PLXDC2: variants seen among roughly 807,000 people sequenced by gnomAD.
PLXDC2 encodes plexin domain containing 2.
PLXDC2 carries 40 observed loss-of-function variants against 68.9 expected under a neutral mutation model. The observed-to-expected ratio is 0.58, with a 90% CI of 0.45 to 0.76. The LOEUF (loss-of-function observed/expected upper bound fraction) is 0.76. Ranked by LOEUF, PLXDC2 falls within the 30% of genes least tolerant of loss-of-function variation. The probability of loss-of-function intolerance (pLI) is 0.00; values close to 1 mark genes in which losing one functional copy is unlikely to be tolerated. For synonymous variants in PLXDC2, 243 were observed against 234.2 expected, an observed-to-expected ratio of 1.04 and a Z score of -0.34; for missense variants, 644 against 661.9, an observed-to-expected ratio of 0.97 and a Z score of 0.30.
At chr10:19,956,692 A>T (rs1210266336) in intron 1 of PLXDC2, among the ~76,000 whole-genome samples, 1 of 152,238 alleles carries the variant, frequency 6.6e-6, no homozygotes, top group Non-Finnish European at 1.5e-5. Flanking sequence ...CACAGACTGT[A>T]TCTGTCTCAC....
At chr10:20,017,810 T>C (rs1417665443) in intron 2 of PLXDC2, among the ~76,000 whole-genome samples, 2 of 152,246 alleles carry the variant, frequency 1.3e-5, no homozygotes, top group Non-Finnish European at 2.9e-5. Context: ...TCAAGTGGGC[T>C]TGGAGTCATG....
At chr10:20,207,126 G>A (rs546691911) in intron 9 of PLXDC2, among the ~76,000 whole-genome samples, 57 of 152,152 alleles carry the variant, frequency 3.7e-4, no homozygotes, top group African/African-American at 1.3e-3. Flanking sequence ...AAAAGTATGA[G>A]CTTTTCAAAC....
chr10:20,014,336 A>C (rs1471924967), intron 2 of PLXDC2, among the ~76,000 whole-genome samples: 1,212 of 35,616 alleles, frequency 0.034, no homozygotes, highest in African/African-American at 0.048. Context: ...CCTTCTCCCC[A>C]CCTCCCTCCC....
intron 1 of PLXDC2, among the ~76,000 whole-genome samples, chr10:19,921,555 G>A (rs1430034664): frequency 6.6e-6 from 1 of 152,160 alleles, no homozygotes; most frequent in African/African-American, 2.4e-5. Flanking sequence ...GCATCATTAC[G>A]TAACCAGACA....
intron 1 of PLXDC2, among the ~76,000 whole-genome samples, chr10:19,951,214 A>C (rs1048898145): frequency 2.6e-5 from 4 of 152,170 alleles, no homozygotes; most frequent in African/African-American, 9.7e-5. Context: ...CAACCTACAA[A>C]ATTGGAGAAA....
chr10:20,049,042 T>G (rs1240099156), intron 3 of PLXDC2, among the ~76,000 whole-genome samples: 1 of 152,102 alleles, frequency 6.6e-6, no homozygotes, highest in Non-Finnish European at 1.5e-5. Flanking sequence ...GGTTTTTATT[T>G]TAGATACCCT....
chr10:20,028,653 C>T (rs1835447431), intron 2 of PLXDC2, among the ~76,000 whole-genome samples: 1 of 152,188 alleles, frequency 6.6e-6, no homozygotes, highest in African/African-American at 2.4e-5. Context: ...GAGTGCTCCT[C>T]TCCCTCTCAA....
chr10:20,209,787 G>C lies in PLXDC2; in HGVS notation c.1062-1882G>C, dbSNP rs538027373. On this transcript the variant is annotated intron_variant, in intron 9 of 13. Transcript: ENST00000377252. ...CCTGAGGCGACATACATCCTCCTCA[G>C]CTTACGAAGATGACAGGATTAAGAG... Among the ~76,000 whole-genome samples the C allele has an allele frequency of 5.9e-5, 9 of 152,228 alleles. 1 individual carries two copies. In the South Asian group the frequency reaches 1.9e-3, roughly 32 times the overall value.
intron 9 of PLXDC2, among the ~76,000 whole-genome samples, chr10:20,184,445 G>A (rs564890609): frequency 1.4e-3 from 217 of 150,490 alleles, no homozygotes; most frequent in Non-Finnish European, 2.3e-3. Flanking sequence ...TAAATCATGT[G>A]TATTATATTT....
intron 9 of PLXDC2, among the ~76,000 whole-genome samples, chr10:20,189,229 C>T (rs1404907479): frequency 1.3e-5 from 2 of 150,490 alleles, no homozygotes; most frequent in Non-Finnish European, 3.0e-5. Flanking sequence ...TTATCCATAA[C>T]ATAAAAGCAT....
At chr10:19,910,504 A>ACTGGGT (rs893319568) in intron 1 of PLXDC2, among the ~76,000 whole-genome samples, 1 of 149,938 alleles carries the variant, frequency 6.7e-6, no homozygotes, top group Non-Finnish European at 1.5e-5. Context: ...ATAATAAAGG[A>ACTGGGT]CTGGGTCCTT....
chr10:20,109,453 C>G (rs1833530634), intron 4 of PLXDC2, among the ~76,000 whole-genome samples: 1 of 151,672 alleles, frequency 6.6e-6, no homozygotes, highest in African/African-American at 2.4e-5. Context: ...CAGCTTATCT[C>G]TTAAACTGAT....
At chr10:20,056,520 A>T (rs1351646461) in intron 3 of PLXDC2, among the ~76,000 whole-genome samples, 1 of 152,210 alleles carries the variant, frequency 6.6e-6, no homozygotes, top group Non-Finnish European at 1.5e-5. Context: ...AAATACATGC[A>T]TATTACTAAT....
chr10:19,877,664 G>A (rs1321144622), intron 1 of PLXDC2, among the ~76,000 whole-genome samples: 1 of 152,220 alleles, frequency 6.6e-6, no homozygotes, highest in African/African-American at 2.4e-5. Flanking sequence ...AGATGGCACC[G>A]GCGTTCCCGA....
intron 1 of PLXDC2, among the ~76,000 whole-genome samples, chr10:19,885,500 G>A (rs1368212428): frequency 6.6e-6 from 1 of 152,174 alleles, no homozygotes; most frequent in East Asian, 1.9e-4. Context: ...TAACGTTTAA[G>A]TCTTTAATCC....
intron 1 of PLXDC2, among the ~76,000 whole-genome samples, chr10:19,988,011 C>G (rs1445301985): frequency 2.0e-5 from 3 of 152,140 alleles, no homozygotes; most frequent in Admixed American, 6.5e-5. Flanking sequence ...TAGACTCTTA[C>G]CACCAAATAA....
intron 4 of PLXDC2, among the ~76,000 whole-genome samples, chr10:20,084,834 C>G (rs1269682041): frequency 6.6e-6 from 1 of 150,704 alleles, no homozygotes; most frequent in African/African-American, 2.5e-5. Flanking sequence ...ACAATGAAGG[C>G]TTTCAGGACC....
At chr10:20,080,511 A>G (rs1430990476) in intron 4 of PLXDC2, among the ~76,000 whole-genome samples, 1 of 152,154 alleles carries the variant, frequency 6.6e-6, no homozygotes, top group Non-Finnish European at 1.5e-5. Flanking sequence ...AAAGCTGAAG[A>G]TCTTAGAGTC....
chr10:19,943,523 C>A (rs916054980), intron 1 of PLXDC2, among the ~76,000 whole-genome samples: 1 of 152,176 alleles, frequency 6.6e-6, no homozygotes, highest in Non-Finnish European at 1.5e-5. Context: ...ATAAGCATAA[C>A]CATATACTAA....
Sources: gnomAD v4.1 joint callset for allele counts (sites outside exome capture counted in the v4.1 genomes callset) on GRCh38, gnomAD v4.1.1 for gene constraint, MANE v1.5 for transcripts, NCBI Gene and HGNC (gene_info 2026-07-23, HGNC 2026-07-21) for gene names.